Variants in CAMTA1 observed in about 807,000 individuals in gnomAD.
CAMTA1 encodes calmodulin-binding transcription activator 1.
In CAMTA1, 27 loss-of-function variants were observed where a neutral mutation model predicts 170.9. The observed-to-expected ratio is 0.16, with a 90% CI of 0.12 to 0.22. The LOEUF is 0.22. CAMTA1 is among the 10% of genes least tolerant of loss of function. The probability of loss-of-function intolerance (pLI) is 1.00; values close to 1 mark genes in which losing one functional copy is unlikely to be tolerated. For missense variants in CAMTA1, 1,619 were observed against 2,217.2 expected (o/e 0.73, Z 5.42); for synonymous variants, 833 against 891.5 (o/e 0.93, Z 1.17).
At chr1:6,810,154 G>T (rs1644994264) in intron 1 of CAMTA1, among the ~76,000 whole-genome samples, 1 of 152,180 alleles carries the variant, frequency 6.6e-6, no homozygotes, top group African/African-American at 2.4e-5. Context: ...GCAGGGCAGG[G>T]CTGGGTCTGC....
chr1:7,227,501 G>A (rs1558275411), intron 4 of CAMTA1, among the ~76,000 whole-genome samples: 1 of 152,070 alleles, frequency 6.6e-6, no homozygotes, highest in East Asian at 1.9e-4. Context: ...CTAATTTTTT[G>A]TATTTTTAGT....
chr1:7,416,968 C>G (rs1438472705), intron 5 of CAMTA1, among the ~76,000 whole-genome samples: 1 of 152,160 alleles, frequency 6.6e-6, no homozygotes. Context: ...TGTTAGTTTT[C>G]CTTCTAACAG....
intron 6 of CAMTA1, among the ~76,000 whole-genome samples, chr1:7,546,595 G>A (rs2094696358): frequency 6.6e-6 from 1 of 152,134 alleles, no homozygotes; most frequent in Non-Finnish European, 1.5e-5. Context: ...TTCCAAAATA[G>A]CCGAACTAAT....
intron 7 of CAMTA1, among the ~76,000 whole-genome samples, chr1:7,649,398 C>T (rs1281836865): frequency 6.6e-6 from 1 of 152,194 alleles, no homozygotes; most frequent in Non-Finnish European, 1.5e-5. Flanking sequence ...CTGCCTTTTA[C>T]CCTTCCCTTT....
chr1:7,095,017 G>A (rs544829738), intron 4 of CAMTA1, among the ~76,000 whole-genome samples: 18 of 152,054 alleles, frequency 1.2e-4, no homozygotes, highest in Admixed American at 2.6e-4. Flanking sequence ...TCTCGGGGAG[G>A]TGTCCCTGGC....
chr1:6,953,496 T>G (rs1427541310), intron 3 of CAMTA1, among the ~76,000 whole-genome samples: 2 of 152,214 alleles, frequency 1.3e-5, no homozygotes, highest in Non-Finnish European at 2.9e-5. Flanking sequence ...ACCTAGCAAG[T>G]CCTTCCTTGC....
In CAMTA1 at chr1:7,041,338, G is replaced by C. The variant is rs1352347020; in HGVS notation, c.235-49966G>C. Among the ~76,000 whole-genome samples, 14 of 152,342 alleles carry C rather than the reference G, an allele frequency of 9.2e-5. No individual in the cohort carries two copies. Among genetic ancestry groups the C allele is most frequent in the African/African-American group, 3.4e-4 (14 of 41,580 alleles). The stretch of plus-strand genomic sequence containing the variant: ...GGCTGTGGCTGCTGTGGCTTTGCCA[G>C]CATCTATTGTCTAAGAGGGCTGGGG... On this transcript the variant is annotated intron_variant, in intron 3 of 22. Transcript: ENST00000303635. This position sits in a 1 kb window ranked among gnomAD's most constrained non-coding sequence, Gnocchi z 5.1.
Position 7,249,999 on chromosome 1 carries a change from A to G in CAMTA1, c.438+373A>G, listed in dbSNP as rs1256428064. ...CGTAAGGAACTTCCCTCTTGAGGTGACCCTGGCCTCCCCCTGCCAAGCTGG... is the reference window on the plus strand; with the variant it reads ...CGTAAGGAACTTCCCTCTTGAGGTGGCCCTGGCCTCCCCCTGCCAAGCTGG... On this transcript the variant is annotated intron_variant, in intron 5 of 22. Coordinates refer to ENST00000303635, the MANE Select transcript of CAMTA1 (RefSeq NM_015215.4). This position sits in a 1 kb window ranked among gnomAD's most constrained non-coding sequence, Gnocchi z 4.4. Among the ~76,000 whole-genome samples the G allele has an allele frequency of 6.6e-6, 1 of 151,876 alleles. No individual in the cohort carries two copies. Among genetic ancestry groups the G allele is most frequent in the Non-Finnish European group, 1.5e-5 (1 of 67,970 alleles).
At chr1:7,582,351 G>T (rs978022091) in intron 6 of CAMTA1, among the ~76,000 whole-genome samples, 2 of 152,106 alleles carry the variant, frequency 1.3e-5, no homozygotes, top group South Asian at 2.1e-4. Flanking sequence ...GGGCCTCAGT[G>T]CCCTGATTCA....
rs554403407 is a variant in CAMTA1 at position 7,170,421 on chromosome 1, G to T, written c.302+79050G>T. Among the ~76,000 whole-genome samples, 5 of 151,842 alleles carry T rather than the reference G, an allele frequency of 3.3e-5. No homozygotes were observed. In the East Asian group the frequency reaches 9.7e-4, roughly 29 times the overall value. The stretch of plus-strand genomic sequence containing the variant: ...CGTCAACCCATCATCTAGGTTTTAA[G>T]CCCTGCATGCATTAGGTATTTGTCC... On this transcript the variant is annotated intron_variant, in intron 4 of 22. Coordinates refer to ENST00000303635, the MANE Select transcript of CAMTA1 (RefSeq NM_015215.4).
Position 7,643,412 on chromosome 1 carries a change from G to A in CAMTA1, c.664+2859G>A, listed in dbSNP as rs369267568. 2.2e-4 allele frequency among the ~76,000 whole-genome samples: 33 copies of A among 152,346 alleles called. No individual in the cohort carries two copies. The South Asian group carries it at 6.8e-3, about 32-fold the overall frequency. On this transcript the variant is annotated intron_variant, in intron 7 of 22. Transcript: ENST00000303635. ...AAGGGAAAAGATGCCTTTCAAGGTG[G>A]CTCCTACAGTCAGAGGCTGCTAGCC...
At position 7,443,058 on chromosome 1, in the gene CAMTA1, C is replaced by T. The variant is rs1432156742; in HGVS notation, c.439-24772C>T. Among the ~76,000 whole-genome samples the T allele has an allele frequency of 6.6e-6, 1 of 151,614 alleles. No individual in the cohort carries two copies. The highest frequency in any genetic ancestry group is 1.5e-5 in the Non-Finnish European group (1 of 67,706). On this transcript the variant is annotated intron_variant, in intron 5 of 22. Coordinates refer to ENST00000303635, the MANE Select transcript of CAMTA1 (RefSeq NM_015215.4). The surrounding 1 kb of genome is among the most constrained non-coding windows in gnomAD (Gnocchi z 4.1). ...GTCTCTCCTTGCCCCTGCGCAGATCCTCCTCCTGACTTCTTGGCCTCATTC... is the reference window on the plus strand; with the variant it reads ...GTCTCTCCTTGCCCCTGCGCAGATCTTCCTCCTGACTTCTTGGCCTCATTC...
chr1:7,376,254 GC>G (rs1354878899), intron 5 of CAMTA1, among the ~76,000 whole-genome samples: 1 of 152,222 alleles, frequency 6.6e-6, no homozygotes, highest in Non-Finnish European at 1.5e-5. Flanking sequence ...AACTCGAAGG[GC>G]CTGGGCATAA....
At chr1:7,239,166 A>T (rs888361416) in intron 4 of CAMTA1, among the ~76,000 whole-genome samples, 5 of 152,322 alleles carry the variant, frequency 3.3e-5, no homozygotes, top group Admixed American at 3.3e-4. Flanking sequence ...TCATCAGTAA[A>T]TATTTCAGTA....
At chr1:6,951,579 A>G (rs549329895) in intron 3 of CAMTA1, among the ~76,000 whole-genome samples, 2 of 152,202 alleles carry the variant, frequency 1.3e-5, no homozygotes, top group Non-Finnish European at 2.9e-5. Context: ...CAAAAAAGAG[A>G]CCATTTCCAT....
intron 4 of CAMTA1, among the ~76,000 whole-genome samples, chr1:7,167,164 A>G (rs1192693772): frequency 1.3e-5 from 2 of 152,062 alleles, no homozygotes; most frequent in African/African-American, 4.8e-5. Flanking sequence ...GTTCTTGTTT[A>G]CTAAATCTTT....
intron 4 of CAMTA1, among the ~76,000 whole-genome samples, chr1:7,118,417 T>C (rs574025443): frequency 5.6e-4 from 85 of 151,014 alleles, no homozygotes; most frequent in African/African-American, 2.0e-3. Context: ...TTCAGCCTCC[T>C]GAGTAGCTGG....
intron 4 of CAMTA1, among the ~76,000 whole-genome samples, chr1:7,223,932 G>C (rs1661248023): frequency 2.0e-5 from 3 of 152,112 alleles, no homozygotes; most frequent in Admixed American, 2.0e-4. Context: ...ATTTAACGAA[G>C]GTATCATCCC....
intron 1 of CAMTA1, among the ~76,000 whole-genome samples, chr1:6,808,985 A>G (rs1200973016): frequency 6.6e-6 from 1 of 151,422 alleles, no homozygotes; most frequent in African/African-American, 2.4e-5. Flanking sequence ...ATATTTGGGG[A>G]GAATGGCTGC....
Sources: allele counts gnomAD v4.1 joint callset (sites outside exome capture counted in the v4.1 genomes callset), GRCh38; gene constraint gnomAD v4.1.1; non-coding constraint Gnocchi (gnomAD v3.1); transcripts MANE v1.5; gene names NCBI Gene and HGNC (gene_info 2026-07-23, HGNC 2026-07-21).